ANO2: variants seen among roughly 807,000 people sequenced by gnomAD.
ANO2 encodes anoctamin-2.
In ANO2, 101 loss-of-function variants were observed where a neutral mutation model predicts 124.2. That is an observed-to-expected ratio of 0.81 (90% confidence interval 0.69 to 0.96). The LOEUF is 0.96. ANO2 is among the 40% of genes least tolerant of loss of function. The pLI, the probability that ANO2 is intolerant of heterozygous loss-of-function variation, is 0.00. For synonymous variants in ANO2, 486 were observed against 482.5 expected (o/e 1.01, Z -0.09); for missense variants, 1,293 against 1,274.5 (o/e 1.01, Z -0.22).
intron 3 of ANO2, among the ~76,000 whole-genome samples, chr12:5,867,104 T>A (rs1274967337): frequency 6.6e-6 from 1 of 152,232 alleles, no homozygotes; most frequent in African/African-American, 2.4e-5. Flanking sequence ...GCTCTGGCCT[T>A]CCTTCTAGGA....
In ANO2 at chr12:5,681,802, C is replaced by T. The variant is rs1303732085; in HGVS notation, c.1546-34001G>A. On this transcript the variant is annotated intron_variant, in intron 14 of 24. Transcript: ENST00000682330. ...AGCTCTTACATCTTTTCCTTGAAGG[C>T]CCTACTTTTCTCTCATTACCCTATT... 2.2e-4 allele frequency among the ~76,000 whole-genome samples: 33 copies of T among 152,140 alleles called. 1 individual carries two copies. The highest frequency in any genetic ancestry group is 2.2e-3 in the Admixed American group (33 of 15,278).
chr12:5,664,883 G>A (rs1305903126), intron 14 of ANO2, among the ~76,000 whole-genome samples: 1 of 152,208 alleles, frequency 6.6e-6, no homozygotes, highest in Non-Finnish European at 1.5e-5. Context: ...AGCTTTCACT[G>A]ATTATGATCA....
At chr12:5,716,584 C>G (rs1950034394) in intron 14 of ANO2, among the ~76,000 whole-genome samples, 1 of 152,168 alleles carries the variant, frequency 6.6e-6, no homozygotes, top group Admixed American at 6.5e-5. Flanking sequence ...GAGTACATTT[C>G]CAGGGCAAAT....
intron 14 of ANO2, among the ~76,000 whole-genome samples, chr12:5,721,205 G>A (rs753542351): frequency 1.8e-4 from 27 of 152,070 alleles, no homozygotes; most frequent in Admixed American, 3.3e-4. Flanking sequence ...ACATACACAC[G>A]TGTGCACAAA....
intron 4 of ANO2, among the ~76,000 whole-genome samples, chr12:5,847,571 G>A (rs189583206): frequency 4.3e-4 from 65 of 151,766 alleles, no homozygotes; most frequent in Non-Finnish European, 7.1e-4. Flanking sequence ...GCTGAGTAGA[G>A]TCCCTCAGGC....
At chr12:5,720,349 A>C (rs925439532) in intron 14 of ANO2, among the ~76,000 whole-genome samples, 2 of 152,116 alleles carry the variant, frequency 1.3e-5, no homozygotes, top group African/African-American at 4.8e-5. Flanking sequence ...TTAAACCAGC[A>C]CTTTTGAGTT....
chr12:5,852,828 A>C (rs1398513830), intron 4 of ANO2, among the ~76,000 whole-genome samples: 1 of 150,204 alleles, frequency 6.7e-6, no homozygotes, highest in East Asian at 2.0e-4. Flanking sequence ...GCATGTATAC[A>C]ACTACACTAT....
At chr12:5,917,540 T>G (rs1782970531) in intron 3 of ANO2, among the ~76,000 whole-genome samples, 1 of 151,352 alleles carries the variant, frequency 6.6e-6, no homozygotes, top group African/African-American at 2.4e-5. Context: ...GTGAAGAAAG[T>G]ACTGTTATTA....
At chr12:5,938,712 C>A (rs1942761481) in intron 1 of ANO2, among the ~76,000 whole-genome samples, 1 of 152,228 alleles carries the variant, frequency 6.6e-6, no homozygotes, top group South Asian at 2.1e-4. Context: ...GTAATCCCAG[C>A]TACTCAGGAG....
At chr12:5,928,485 C>T (rs28515169) in intron 1 of ANO2, among the ~76,000 whole-genome samples, 15,976 of 113,564 alleles carry the variant, frequency 0.14, 5,573 homozygotes, top group East Asian at 0.46. Context: ...GTCTACTTTC[C>T]TTCCTCACTG....
At chr12:5,624,302 C>T (rs1945287780) in intron 16 of ANO2, among the ~76,000 whole-genome samples, 2 of 152,070 alleles carry the variant, frequency 1.3e-5, no homozygotes, top group Admixed American at 6.5e-5. Flanking sequence ...CAGACAGAGG[C>T]GTATTCTGTT....
chr12:5,683,176 A>G (rs1184047972), intron 14 of ANO2, among the ~76,000 whole-genome samples: 1 of 152,224 alleles, frequency 6.6e-6, no homozygotes, highest in Non-Finnish European at 1.5e-5. Context: ...TATTATCATC[A>G]TAAGTCTTCC....
chr12:5,626,890 C>G (rs1432264044), intron 16 of ANO2, among the ~76,000 whole-genome samples: 2 of 152,206 alleles, frequency 1.3e-5, no homozygotes, highest in Non-Finnish European at 2.9e-5. Flanking sequence ...GCCCTTCCTT[C>G]TCTTCTGGAT....
chr12:5,942,424 T>A (rs977418701), intron 1 of ANO2, among the ~76,000 whole-genome samples: 2 of 152,250 alleles, frequency 1.3e-5, no homozygotes, highest in African/African-American at 4.8e-5. Flanking sequence ...ATGTCTTACA[T>A]CAATATCACC....
chr12:5,893,359 T>C (rs1049026262), intron 3 of ANO2, among the ~76,000 whole-genome samples: 8 of 151,972 alleles, frequency 5.3e-5, no homozygotes, highest in Non-Finnish European at 7.4e-5. Context: ...AGGACTAGTA[T>C]CCAGAATCTA....
chr12:5,829,466 G>A (rs1245127424), intron 6 of ANO2, among the ~76,000 whole-genome samples: 1 of 152,182 alleles, frequency 6.6e-6, no homozygotes, highest in Non-Finnish European at 1.5e-5. Flanking sequence ...TGTTTGCAGT[G>A]TGCCTGGGAA....
chr12:5,657,931 C>T (rs1027339997), intron 14 of ANO2, among the ~76,000 whole-genome samples: 1 of 152,108 alleles, frequency 6.6e-6, no homozygotes, highest in African/African-American at 2.4e-5. Flanking sequence ...CTTCAGGCCA[C>T]CTTAGCCCTC....
chr12:5,651,874 T>C (rs894093447), intron 14 of ANO2, among the ~76,000 whole-genome samples: 1 of 152,368 alleles, frequency 6.6e-6, no homozygotes. Context: ...TTCTCTGACT[T>C]AGCATAGTGC....
In ANO2 at chr12:5,629,176, C is replaced by T. The variant is rs55776546; in HGVS notation, c.1816+5976G>A. On this transcript the variant is annotated intron_variant, in intron 16 of 24. Transcript: ENST00000682330. Reference sequence around the variant, plus strand: ...ACGGCGAGGGAGGGATGAAGTGCACCACCCCGTACACCAGCCAGCATTCTG... The same window carrying T: ...ACGGCGAGGGAGGGATGAAGTGCACTACCCCGTACACCAGCCAGCATTCTG... Among the ~76,000 whole-genome samples, 1,114 of 152,242 alleles carry T rather than the reference C, an allele frequency of 7.3e-3. 12 individuals carry two copies. The highest frequency in any genetic ancestry group is 0.025 in the African/African-American group (1,040 of 41,538).
Sources: gnomAD v4.1 joint callset for allele counts (sites outside exome capture counted in the v4.1 genomes callset) on GRCh38, gnomAD v4.1.1 for gene constraint, MANE v1.5 for transcripts, NCBI Gene and HGNC (gene_info 2026-07-23, HGNC 2026-07-21) for gene names.